AGAP1: variants seen among roughly 807,000 people sequenced by gnomAD.
AGAP1 encodes ArfGAP with GTPase domain, ankyrin repeat and PH domain 1, also known as arf-GAP with GTPase, ANK repeat and PH domain-containing protein 1.
In AGAP1, 29 loss-of-function variants were observed where a neutral mutation model predicts 105.3. The observed-to-expected ratio is 0.28, with a 90% CI of 0.21 to 0.38. The LOEUF (loss-of-function observed/expected upper bound fraction) is 0.38. Ranked by LOEUF, AGAP1 falls within the 10% of genes least tolerant of loss-of-function variation. The pLI, the probability that AGAP1 is intolerant of heterozygous loss-of-function variation, is 1.00. For synonymous variants in AGAP1, 509 were observed against 485.9 expected, an observed-to-expected ratio of 1.05 and a Z score of -0.63; for missense variants, 998 against 1,165.1, an observed-to-expected ratio of 0.86 and a Z score of 2.09.
chr2:235,591,726 T>C (rs1436821444), intron 1 of AGAP1, among the ~76,000 whole-genome samples: 3 of 152,212 alleles, frequency 2.0e-5, no homozygotes, highest in Admixed American at 6.5e-5. Context: ...CCCTTGGCGA[T>C]GAGTGAATTC....
At chr2:235,674,725 CTG>C (rs1444750771) in intron 1 of AGAP1, among the ~76,000 whole-genome samples, 2 of 145,020 alleles carry the variant, frequency 1.4e-5, no homozygotes, top group African/African-American at 2.6e-5. Flanking sequence ...GAGTCTCACT[CTG>C]TTGCCAGGCT....
chr2:236,040,944 A>C lies in AGAP1; in HGVS notation c.1891+103A>C. Reference sequence around the variant, plus strand: ...GGGACTCACATCTGTCCTGTTTGGCAGATAAGAGTTAACTGCTTTTAGGAA... The same window carrying C: ...GGGACTCACATCTGTCCTGTTTGGCCGATAAGAGTTAACTGCTTTTAGGAA... On this transcript the variant is annotated intron_variant, in intron 15 of 17. Coordinates refer to ENST00000304032, the MANE Select transcript of AGAP1 (RefSeq NM_001037131.3). This position sits in a 1 kb window ranked among gnomAD's most constrained non-coding sequence, Gnocchi z 5.6. 1 of 1,155,864 alleles carries C rather than the reference A, an allele frequency of 8.7e-7. No individual in the cohort carries two copies. The allele number at this position is 1,155,864 out of a possible 1,614,324, so 71.6% of individuals were successfully genotyped here. A position where few individuals can be genotyped will look rare whatever the true frequency, so the allele number is the denominator to read the frequency against.
chr2:236,120,214 C>T lies in AGAP1; in HGVS notation c.2137C>T (p.Arg713Cys), dbSNP rs1043670273. ...CAGGGAAGAGAAGGAACGGTGGATCCGTGCCAAGTACGAGCAGAAGCTCTT... is the reference window on the plus strand; with the variant it reads ...CAGGGAAGAGAAGGAACGGTGGATCTGTGCCAAGTACGAGCAGAAGCTCTT... ...STREEKERWI[R>C]AKYEQKLFLA... Residue 713 changes from arginine to cysteine, a missense_variant, in exon 17 of 18, where the codon CGT becomes TGT. Transcript: ENST00000304032. This position sits in a 1 kb window ranked among gnomAD's most constrained non-coding sequence, Gnocchi z 6.0. 13 of 1,612,530 alleles carry T rather than the reference C, an allele frequency of 8.1e-6. No homozygotes were observed. Among genetic ancestry groups the T allele is most frequent in the Non-Finnish European group, 1.1e-5 (13 of 1,179,026 alleles).
In AGAP1 at chr2:235,824,938, T is replaced by A. The variant is rs528958361; in HGVS notation, c.1050+17607T>A. Among the ~76,000 whole-genome samples, 39 of 152,358 alleles carry A rather than the reference T, an allele frequency of 2.6e-4. No homozygotes were observed. Among genetic ancestry groups the A allele is most frequent in the Non-Finnish European group, 5.4e-4 (37 of 68,030 alleles). On this transcript the variant is annotated intron_variant, in intron 9 of 17. Transcript: ENST00000304032. This position sits in a 1 kb window ranked among gnomAD's most constrained non-coding sequence, Gnocchi z 5.2. ...TTTTCTGATTTTTCTTTCCCCCTAATGGAAACCTTCCTTTTTTTATCAACA... is the reference window on the plus strand; with the variant it reads ...TTTTCTGATTTTTCTTTCCCCCTAAAGGAAACCTTCCTTTTTTTATCAACA...
chr2:236,020,694 G>A lies in AGAP1; in HGVS notation c.1646-15867G>A, dbSNP rs1264272034. On this transcript the variant is annotated intron_variant, in intron 13 of 17. Transcript: ENST00000304032. The surrounding 1 kb of genome is among the most constrained non-coding windows in gnomAD (Gnocchi z 5.0). The stretch of plus-strand genomic sequence containing the variant: ...CTTCCCACAGAGCTGGGCACATAGG[G>A]AAGCTGGCCGCCGTGGCTGCTATTA... Among the ~76,000 whole-genome samples, 2 of 152,214 alleles carry A rather than the reference G, an allele frequency of 1.3e-5. No homozygotes were observed. The highest frequency in any genetic ancestry group is 3.8e-4 in the East Asian group (2 of 5,198).
At chr2:236,085,967 G>A (rs955809353) in intron 16 of AGAP1, among the ~76,000 whole-genome samples, 9 of 152,252 alleles carry the variant, frequency 5.9e-5, no homozygotes, top group Non-Finnish European at 1.3e-4. Flanking sequence ...GACCACACTC[G>A]TCATTTCTCT....
intron 1 of AGAP1, among the ~76,000 whole-genome samples, chr2:235,695,182 G>T (rs556944557): frequency 6.6e-6 from 1 of 152,126 alleles, no homozygotes; most frequent in Non-Finnish European, 1.5e-5. Context: ...GCTGACCTTC[G>T]CAGGCTTCAG....
At chr2:235,815,176 G>A (rs1213296172) in intron 9 of AGAP1, among the ~76,000 whole-genome samples, 2 of 152,204 alleles carry the variant, frequency 1.3e-5, no homozygotes, top group Non-Finnish European at 2.9e-5. Context: ...GCCCCACACA[G>A]CGCATGAGTC....
rs958595206 is a variant in AGAP1 at position 236,073,153 on chromosome 2, G to A, written c.2114+23872G>A. On this transcript the variant is annotated intron_variant, in intron 16 of 17. Coordinates refer to ENST00000304032, the MANE Select transcript of AGAP1 (RefSeq NM_001037131.3). The surrounding 1 kb of genome is among the most constrained non-coding windows in gnomAD (Gnocchi z 5.4). ...TGGGATTACAGGCGCACGCCACCAC[G>A]CCTGGCTAATTTTTGTATTTTTTAG... 3.9e-5 allele frequency among the ~76,000 whole-genome samples: 6 copies of A among 152,024 alleles called. No homozygotes were observed. Among genetic ancestry groups the A allele is most frequent in the Admixed American group, 6.5e-5 (1 of 15,268 alleles).
At chr2:235,806,419 C>T (rs1957836418) in intron 8 of AGAP1, among the ~76,000 whole-genome samples, 1 of 152,106 alleles carries the variant, frequency 6.6e-6, no homozygotes, top group South Asian at 2.1e-4. Flanking sequence ...CTCATGCCAT[C>T]GAGAGAGGAG....
intron 16 of AGAP1, chr2:236,049,516 C>T (rs188276197): frequency 2.2e-6 from 1 of 456,880 alleles, no homozygotes; most frequent in East Asian, 3.6e-5. Flanking sequence ...TTCTCTCCCC[C>T]CTCTTAGAAA....
intron 1 of AGAP1, among the ~76,000 whole-genome samples, chr2:235,545,172 A>T (rs996884804): frequency 6.6e-6 from 1 of 152,172 alleles, no homozygotes; most frequent in Non-Finnish European, 1.5e-5. Flanking sequence ...AAATAATGGC[A>T]CTTAGGTTCA....
intron 11 of AGAP1, among the ~76,000 whole-genome samples, chr2:235,913,003 CCT>C (rs750510306): frequency 2.0e-5 from 3 of 152,070 alleles, no homozygotes; most frequent in East Asian, 1.9e-4. Context: ...TCTGAGAACT[CCT>C]TGTATATTTA....
At chr2:235,649,797 G>C (rs1947522237) in intron 1 of AGAP1, among the ~76,000 whole-genome samples, 2 of 152,222 alleles carry the variant, frequency 1.3e-5, no homozygotes, top group Admixed American at 6.5e-5. Context: ...CAGTGCATCA[G>C]ATGTCACTAA....
intron 1 of AGAP1, among the ~76,000 whole-genome samples, chr2:235,518,019 C>T (rs1942466158): frequency 1.3e-5 from 2 of 152,022 alleles, no homozygotes; most frequent in South Asian, 2.1e-4. Flanking sequence ...GGGGTTCTTG[C>T]CCCCATTTGC....
At position 235,621,264 on chromosome 2, in the gene AGAP1, C is replaced by A. The variant is rs980316981; in HGVS notation, c.164-87915C>A. Among the ~76,000 whole-genome samples, 1 of 152,098 alleles carries A rather than the reference C, an allele frequency of 6.6e-6. No homozygotes were observed. Among genetic ancestry groups the A allele is most frequent in the Non-Finnish European group, 1.5e-5 (1 of 68,012 alleles). On this transcript the variant is annotated intron_variant, in intron 1 of 17. Transcript: ENST00000304032. The surrounding 1 kb of genome is among the most constrained non-coding windows in gnomAD (Gnocchi z 4.1). Reference sequence around the variant, plus strand: ...CTTGAACTCCTGACCTCTGGTGATCCGCCCACCTCGGCCTCCCAAAGTGCT... The same window carrying A: ...CTTGAACTCCTGACCTCTGGTGATCAGCCCACCTCGGCCTCCCAAAGTGCT...
In AGAP1 at chr2:235,598,103, C is replaced by T. The variant is rs1458138474; in HGVS notation, c.163+103254C>T. Among the ~76,000 whole-genome samples, 4 of 151,684 alleles carry T rather than the reference C, an allele frequency of 2.6e-5. No homozygotes were observed. The East Asian group carries it at 7.8e-4, about 30-fold the overall frequency. ...GCTCCCGTGTTTCCTTTGTGTGGAG[C>T]GTGCACGCCCTCCCATGTTTCCTTT... On this transcript the variant is annotated intron_variant, in intron 1 of 17. Coordinates refer to ENST00000304032, the MANE Select transcript of AGAP1 (RefSeq NM_001037131.3).
At chr2:235,672,059 A>T (rs1002179037) in intron 1 of AGAP1, among the ~76,000 whole-genome samples, 13 of 152,090 alleles carry the variant, frequency 8.5e-5, no homozygotes, top group East Asian at 3.9e-4. Context: ...CAAAAAAAAA[A>T]ATATTATTCA....
intron 1 of AGAP1, among the ~76,000 whole-genome samples, chr2:235,587,232 G>C (rs748974927): frequency 6.6e-6 from 1 of 152,130 alleles, no homozygotes; most frequent in Admixed American, 6.6e-5. Context: ...TGGAAAAGTC[G>C]GACCAAGTTT....
Sources: gnomAD v4.1 joint callset for allele counts (sites outside exome capture counted in the v4.1 genomes callset) on GRCh38, gnomAD v4.1.1 for gene constraint, Gnocchi (gnomAD v3.1) non-coding constraint, MANE v1.5 for transcripts, NCBI Gene and HGNC (gene_info 2026-07-23, HGNC 2026-07-21) for gene names.